SPAST: variants seen among roughly 807,000 people sequenced by gnomAD.
SPAST encodes the protein spastic paraplegia 4 (autosomal dominant; spastin).
In SPAST, 30 loss-of-function variants were observed where a neutral mutation model predicts 76.6. That is an observed-to-expected ratio of 0.39 (90% CI 0.29 to 0.53). SPAST has a LOEUF of 0.53. SPAST is among the 20% of genes least tolerant of loss of function. The pLI is 0.68. For missense variants in SPAST, 717 were observed against 770.5 expected, an observed-to-expected ratio of 0.93 and a Z score of 0.82; for synonymous variants, 305 against 281.0, an observed-to-expected ratio of 1.09 and a Z score of -0.86.
intron 2 of SPAST, 115 bp downstream of exon 2, chr2:32,087,693 T>TA: frequency 6.0e-5 from 19 of 317,338 alleles, no homozygotes; most frequent in South Asian, 1.2e-4. Context: ...TCTTTTCTTT[T>TA]CTTTTTTTTT....
rs1344530320 is a variant in SPAST, at chr2:32,157,573, TA to T, written c.*3080del. 6.6e-6 allele frequency: 1 copy of T among 152,632 alleles called. No individual in the cohort carries two copies. Among genetic ancestry groups the T allele is most frequent in the Non-Finnish European group, 1.5e-5 (1 of 68,032 alleles). The allele number at this position is 152,632 out of a possible 1,614,324, so 9.5% of individuals were successfully genotyped here. A position where few individuals can be genotyped will look rare whatever the true frequency, so the allele number is the denominator to read the frequency against. ...GTACTTTTCTTCAGAAGAAATGAAT[TA>T]AAGGGTACAGTTGCATAAAGTGGGT... On this transcript the variant is annotated 3_prime_UTR_variant, in exon 17 of 17. Coordinates refer to ENST00000315285, the MANE Select transcript of SPAST (RefSeq NM_014946.4).
intron 4 of SPAST, among the ~76,000 whole-genome samples, chr2:32,104,680 T>G (rs898340136): frequency 6.6e-6 from 1 of 152,160 alleles, no homozygotes; most frequent in Non-Finnish European, 1.5e-5. Flanking sequence ...TTGCTTGTCT[T>G]TAAAGGATTT....
chr2:32,089,270 G>A (rs779916438), intron 2 of SPAST, among the ~76,000 whole-genome samples: 6 of 144,360 alleles, frequency 4.2e-5, no homozygotes, highest in Non-Finnish European at 9.0e-5. Context: ...GAACTCCTGG[G>A]CTCAAGTGAT....
intron 5 of SPAST, among the ~76,000 whole-genome samples, chr2:32,115,268 C>T (rs1678785674): frequency 6.6e-6 from 1 of 152,066 alleles, no homozygotes; most frequent in South Asian, 2.1e-4. Flanking sequence ...TTTAAATCCA[C>T]AGGGCAACTT....
At position 32,134,643 on chromosome 2, in the gene SPAST, C is replaced by T. The variant is rs554512822; in HGVS notation, c.1246-1920C>T. Among the ~76,000 whole-genome samples the T allele has an allele frequency of 6.6e-5, 10 of 152,006 alleles. No individual in the cohort carries two copies. In the South Asian group the frequency reaches 2.1e-3, roughly 32 times the overall value. On this transcript the variant is annotated intron_variant, in intron 9 of 16. Coordinates refer to ENST00000315285, the MANE Select transcript of SPAST (RefSeq NM_014946.4). ...AAAGCATGTTTACCCACATTATGCACATGGTATAATGGAAAGTATTGTTGT... is the reference window on the plus strand; with the variant it reads ...AAAGCATGTTTACCCACATTATGCATATGGTATAATGGAAAGTATTGTTGT...
chr2:32,137,330 C>G, intron 12 of SPAST, 142 bp downstream of exon 12: 1 of 743,338 alleles, frequency 1.3e-6, no homozygotes, highest in Non-Finnish European at 2.4e-6. Context: ...CCTCTTGTTA[C>G]CAACTACATA....
At chr2:32,104,819 C>T (rs1678257467) in intron 4 of SPAST, among the ~76,000 whole-genome samples, 2 of 152,190 alleles carry the variant, frequency 1.3e-5, no homozygotes, top group Non-Finnish European at 2.9e-5. Context: ...GCCAAGAGAT[C>T]AGCTGTTAGT....
chr2:32,089,686 A>T (rs928152448), intron 3 of SPAST, 81 bp downstream of exon 3: 1 of 801,178 alleles, frequency 1.2e-6, no homozygotes, highest in Admixed American at 1.9e-5. Flanking sequence ...AAAGAAATAG[A>T]TCAGTGATTG....
chr2:32,137,086 G>A (rs374487991), intron 11 of SPAST, 23 bp from the exon 12 acceptor site: 1 of 1,606,968 alleles, frequency 6.2e-7, no homozygotes, highest in Non-Finnish European at 8.5e-7. Context: ...TAAATGAATT[G>A]AAAAAAGATT....
chr2:32,091,101 C>T (rs1176498663), intron 3 of SPAST, among the ~76,000 whole-genome samples: 4 of 151,868 alleles, frequency 2.6e-5, no homozygotes, highest in African/African-American at 9.7e-5. Flanking sequence ...AAACCTACTA[C>T]ATATGAGTGG....
At chr2:32,103,823 C>T (rs754627546) in intron 4 of SPAST, among the ~76,000 whole-genome samples, 17 of 152,044 alleles carry the variant, frequency 1.1e-4, no homozygotes, top group Non-Finnish European at 2.1e-4. Context: ...TGCACTGTGG[C>T]CTGAGAGACA....
intron 1 of SPAST, among the ~76,000 whole-genome samples, chr2:32,066,975 AAAAAAAAAAAAAAAAAACC>A (rs1294565784): frequency 8.7e-6 from 1 of 114,896 alleles, no homozygotes; most frequent in African/African-American, 3.1e-5. Flanking sequence ...ACTGTCTCAA[AAAAAAAAAAAAAAAAAACC>A]AAAAAAAAAA....
At chr2:32,109,898 A>G (rs1435016663) in intron 4 of SPAST, among the ~76,000 whole-genome samples, 1 of 148,770 alleles carries the variant, frequency 6.7e-6, no homozygotes, top group Non-Finnish European at 1.5e-5. Flanking sequence ...ACATATGTAT[A>G]TGCATACACA....
intron 4 of SPAST, among the ~76,000 whole-genome samples, chr2:32,113,979 C>G (rs1361858127): frequency 1.3e-5 from 2 of 149,942 alleles, no homozygotes; most frequent in African/African-American, 4.9e-5. Flanking sequence ...GAATCTCTCT[C>G]TGTCGCCAGG....
intron 4 of SPAST, among the ~76,000 whole-genome samples, chr2:32,103,775 T>G (rs1366842460): frequency 6.6e-6 from 1 of 152,170 alleles, no homozygotes; most frequent in East Asian, 1.9e-4. Context: ...AGTTGTGTGG[T>G]TTTGCGTGAG....
intron 1 of SPAST, chr2:32,077,972 T>TA (rs1677032800): frequency 8.0e-6 from 1 of 125,736 alleles, no homozygotes; most frequent in Admixed American, 8.1e-5. Flanking sequence ...CTGTTTTTTT[T>TA]TTTTGTTTGT....
chr2:32,156,039 G>GTTTTTTTTTTTTTT lies in SPAST; in HGVS notation c.*1543_*1544insTTTTTTTTTTTTTT, dbSNP rs751815134. 6.9e-6 allele frequency: 1 copy of GTTTTTTTTTTTTTT among 144,862 alleles called. No individual in the cohort carries two copies. The highest frequency in any genetic ancestry group is 1.5e-5 in the Non-Finnish European group (1 of 65,596). The allele number at this position is 144,862 out of a possible 1,614,324, so 9.0% of individuals were successfully genotyped here. A position where few individuals can be genotyped will look rare whatever the true frequency, so the allele number is the denominator to read the frequency against. On this transcript the variant is annotated 3_prime_UTR_variant, in exon 17 of 17. Transcript: ENST00000315285. ...GAATATAGAAGATGCATGATTTCTG[G>GTTTTTTTTTTTTTT]GTTTTTTTTTTTTTTTGAGACAGAG...
chr2:32,115,653 G>A (rs1558324189), intron 5 of SPAST, 49 bp from the exon 6 acceptor site: 1 of 1,392,812 alleles, frequency 7.2e-7, no homozygotes, highest in Non-Finnish European at 1.0e-6. Flanking sequence ...TTTATGAAAA[G>A]TGTAAATGTT....
rs191316452 is a variant in SPAST, at chr2:32,069,509, G to A, written c.415+5263G>A. Among the ~76,000 whole-genome samples the A allele has an allele frequency of 2.3e-3, 341 of 151,162 alleles. 1 individual carries two copies. The highest frequency in any genetic ancestry group is 7.7e-3 in the African/African-American group (318 of 41,140). On this transcript the variant is annotated intron_variant, in intron 1 of 16. Coordinates refer to ENST00000315285, the MANE Select transcript of SPAST (RefSeq NM_014946.4). ...CTCTGTGGTTAACTATCAAGGAGCT[G>A]GTAATATCATGCACTGCCATTCCCT...
Sources: allele counts gnomAD v4.1 joint callset (sites outside exome capture counted in the v4.1 genomes callset), GRCh38; gene constraint gnomAD v4.1.1; transcripts MANE v1.5; gene names NCBI Gene and HGNC (gene_info 2026-07-23, HGNC 2026-07-21).